Variants in MACF1 observed in about 807,000 individuals in gnomAD.
MACF1 encodes the protein microtubule-actin cross-linking factor 1.
MACF1 carries 193 observed loss-of-function variants against 854.8 expected under a neutral mutation model. The ratio of observed to expected loss-of-function variants is 0.23; its 90% CI spans 0.20 to 0.25. The LOEUF (loss-of-function observed/expected upper bound fraction) is 0.25. MACF1 is among the 10% of genes least tolerant of loss of function. MACF1 has a pLI of 1.00. For synonymous variants in MACF1, 3,185 were observed against 3,226.7 expected (o/e 0.99, Z 0.44); for missense variants, 7,722 against 8,929.1 (o/e 0.86, Z 5.45).
intron 1 of MACF1, among the ~76,000 whole-genome samples, chr1:39,218,663 G>A (rs1344754431): frequency 2.6e-5 from 4 of 152,004 alleles, no homozygotes; most frequent in Non-Finnish European, 4.4e-5. Context: ...TTTTGTTACC[G>A]TGCTTACCCC....
At chr1:39,418,086 A>C (rs1011766470) in intron 58 of MACF1, among the ~76,000 whole-genome samples, 1 of 152,304 alleles carries the variant, frequency 6.6e-6, no homozygotes. Context: ...TTTGAAGACA[A>C]TAGGGTGGAT....
chr1:39,207,904 C>G (rs1372039756), intron 1 of MACF1, among the ~76,000 whole-genome samples: 1 of 151,932 alleles, frequency 6.6e-6, no homozygotes, highest in African/African-American at 2.4e-5. Context: ...GAGGCTGAGG[C>G]AGGTGGATCA....
intron 58 of MACF1, chr1:39,412,429 A>G (rs1287018526): frequency 1.2e-6 from 2 of 1,613,934 alleles, no homozygotes; most frequent in African/African-American, 1.3e-5. Flanking sequence ...TGGTGAGGCA[A>G]AAGAGCTGGA....
intron 58 of MACF1, chr1:39,410,820 G>T: frequency 6.2e-7 from 1 of 1,613,930 alleles, no homozygotes; most frequent in Non-Finnish European, 8.5e-7. Flanking sequence ...TGGACCACAG[G>T]GAACCTCAGT....
intron 51 of MACF1, among the ~76,000 whole-genome samples, chr1:39,371,144 C>G (rs1002791040): frequency 4.0e-5 from 6 of 151,868 alleles, no homozygotes; most frequent in Admixed American, 1.3e-4. Context: ...GATGGTGAAA[C>G]CCCATCTCTA....
At chr1:39,436,452 T>C (rs1384247719) in intron 70 of MACF1, 2 of 1,613,636 alleles carry the variant, frequency 1.2e-6, no homozygotes, top group Non-Finnish European at 1.7e-6. Flanking sequence ...TCACATTTCA[T>C]TGTTGTGTTG....
At chr1:39,281,930 G>A (rs74816097) in intron 6 of MACF1, among the ~76,000 whole-genome samples, 1,904 of 152,166 alleles carry the variant, frequency 0.013, 19 homozygotes, top group African/African-American at 0.02. Flanking sequence ...CACTAGTGGC[G>A]GTGTATGATG....
At chr1:39,461,827 C>T (rs901108696) in intron 92 of MACF1, 56 bp from the exon 93 acceptor site, 5 of 1,138,296 alleles carry the variant, frequency 4.4e-6, no homozygotes, top group South Asian at 1.6e-5. Context: ...AATCTATAAC[C>T]GCCAACCGAA....
chr1:39,421,817 G>A (rs1472076793), intron 58 of MACF1, among the ~76,000 whole-genome samples: 1 of 152,182 alleles, frequency 6.6e-6, no homozygotes, highest in Non-Finnish European at 1.5e-5. Flanking sequence ...GCTCACGCCT[G>A]TAATCCCAGC....
At chr1:39,349,420 T>C (rs961971827) in intron 41 of MACF1, 58 bp from the exon 42 acceptor site, 3 of 1,536,030 alleles carry the variant, frequency 2.0e-6, no homozygotes, top group African/African-American at 2.8e-5. Context: ...AGGGAGTTTC[T>C]TGTATTTGCA....
intron 2 of MACF1, among the ~76,000 whole-genome samples, chr1:39,117,450 C>T (rs1642575174): frequency 1.3e-5 from 2 of 152,032 alleles, no homozygotes; most frequent in South Asian, 2.1e-4. Context: ...GGAAGTATGT[C>T]TCCACTAATT....
chr1:39,334,981 A>G lies in MACF1; in HGVS notation c.8393A>G (p.Asn2798Ser), dbSNP rs1340250666. Residue 2798 changes from asparagine to serine, a missense_variant, in exon 37 of 101, where the codon AAT becomes AGT. This residue lies in a region of MACF1 where 1,531 missense variants were observed against 1,601.6 expected (regional missense o/e 0.96). Coordinates refer to ENST00000564288, the MANE Select transcript of MACF1 (RefSeq NM_001394062.1). Reference protein sequence around the residue: ...FLGKDMLIACNQTAEMSCNKV... With the variant: ...FLGKDMLIACSQTAEMSCNKV... ...GGAAAGGATATGTTAATTGCTTGTA[A>G]TCAGACTGCTGAAATGAGTTGTAAT... is the stretch of plus-strand genomic sequence containing the variant. 5 of 1,614,056 alleles carry G rather than the reference A, an allele frequency of 3.1e-6. No homozygotes were observed. In the Admixed American group the frequency reaches 8.3e-5, roughly 27 times the overall value.
rs566709147 is a variant in MACF1, at chr1:39,191,258, A to G, written c.221-39924A>G. Among the ~76,000 whole-genome samples, 6 of 150,402 alleles carry G rather than the reference A, an allele frequency of 4.0e-5. No homozygotes were observed. In the South Asian group the frequency reaches 8.4e-4, roughly 21 times the overall value. The stretch of plus-strand genomic sequence containing the variant: ...GTACAGGCCCAGTTGGGTCCTACTT[A>G]AAGTTTTCCTGTTTGACAATTTATC... On this transcript the variant is annotated intron_variant, in intron 2 of 93. Coordinates refer to the MACF1 transcript ENST00000361689.
At chr1:39,177,705 C>A (rs1411117319) in intron 2 of MACF1, among the ~76,000 whole-genome samples, 1 of 151,992 alleles carries the variant, frequency 6.6e-6, no homozygotes, top group Non-Finnish European at 1.5e-5. Context: ...GAGTCAGCTC[C>A]AAGAGGTAAC....
At chr1:39,287,655 G>T in intron 15 of MACF1, 93 bp downstream of exon 15, 4 of 1,325,724 alleles carry the variant, frequency 3.0e-6, no homozygotes, top group Non-Finnish European at 4.2e-6. Context: ...TGTTCCCTGT[G>T]CAGATTCCCT....
intron 58 of MACF1, among the ~76,000 whole-genome samples, chr1:39,419,212 A>G (rs866102198): frequency 2.0e-5 from 3 of 152,210 alleles, no homozygotes; most frequent in African/African-American, 7.2e-5. Flanking sequence ...GTGCTTTCAT[A>G]TATGTTTTAA....
chr1:39,435,091 A>G (rs1265556538), intron 69 of MACF1, among the ~76,000 whole-genome samples: 1 of 152,220 alleles, frequency 6.6e-6, no homozygotes, highest in African/African-American at 2.4e-5. Context: ...TTATAAGTGG[A>G]AGTGTATAAA....
At position 39,335,782 on chromosome 1, in the gene MACF1, G is replaced by C; in HGVS notation, c.9194G>C (p.Ser3065Thr). ...CATTTAGATGCTTTAACACTCTTCAGCTCTAAACAGGCCAATGAAGGAAAA... is the reference window on the plus strand; with the variant it reads ...CATTTAGATGCTTTAACACTCTTCACCTCTAAACAGGCCAATGAAGGAAAA... Reference protein sequence around the residue: ...VKHLDALTLFSSKQANEGKVN... With the variant: ...VKHLDALTLFTSKQANEGKVN... The change falls in exon 37 of 101, where the codon AGC becomes ACC. Residue 3065 changes from serine to threonine, a missense_variant. This residue lies in a region of MACF1 where 854 missense variants were observed against 852.6 expected (regional missense o/e 1.00). Transcript: ENST00000564288. 1.2e-6 allele frequency: 2 copies of C among 1,614,164 alleles called. No individual in the cohort carries two copies. The highest frequency in any genetic ancestry group is 1.3e-5 in the African/African-American group (1 of 75,034).
At chr1:39,358,667 A>C (rs372704400) in intron 45 of MACF1, 30 bp from the exon 46 acceptor site, 11 of 1,609,236 alleles carry the variant, frequency 6.8e-6, no homozygotes, top group African/African-American at 6.7e-5. Flanking sequence ...ACCTTGCTTA[A>C]GTCTGCTTAC....
Sources: gnomAD v4.1 joint callset for allele counts (sites outside exome capture counted in the v4.1 genomes callset) on GRCh38, gnomAD v4.1.1 for gene constraint, gnomAD v4.1.1 regional missense constraint, MANE v1.5 for transcripts, NCBI Gene and HGNC (gene_info 2026-07-23, HGNC 2026-07-21) for gene names.